Variants in VEPH1 observed in about 807,000 individuals in gnomAD.
VEPH1 encodes the protein ventricular zone expressed PH domain containing 1.
Under a neutral mutation model 85.2 loss-of-function variants are expected in VEPH1, and 80 were observed. The observed-to-expected ratio is 0.94, with a 90% CI of 0.78 to 1.13. The LOEUF (loss-of-function observed/expected upper bound fraction) is 1.13. VEPH1 is among the 50% of genes most tolerant of loss of function. The pLI is 0.00. For synonymous variants in VEPH1, 297 were observed against 348.0 expected (o/e 0.85, Z 1.63); for missense variants, 955 against 980.5 (o/e 0.97, Z 0.35).
intron 6 of VEPH1, among the ~76,000 whole-genome samples, chr3:157,385,159 A>G (rs1382231977): frequency 6.6e-6 from 1 of 151,342 alleles, no homozygotes; most frequent in African/African-American, 2.4e-5. Flanking sequence ...TCAAGGCCAC[A>G]TATGCCCTCC....
rs149234309 is a variant in VEPH1 at position 157,273,807 on chromosome 3, C to A, written c.2129-8145G>T. ...AAGAGCACAAGAGTTCAATAATTCA[C>A]TCTCTACCTGGTTTTAAGATTTGTT... On this transcript the variant is annotated intron_variant, in intron 12 of 13. Transcript: ENST00000362010. Among the ~76,000 whole-genome samples the A allele has an allele frequency of 3.1e-3, 471 of 152,326 alleles. 3 individuals are homozygous for A. Among genetic ancestry groups the A allele is most frequent in the Middle Eastern group, 6.8e-3 (2 of 294 alleles).
intron 12 of VEPH1, among the ~76,000 whole-genome samples, chr3:157,267,480 A>C (rs1458534639): frequency 6.6e-6 from 1 of 151,262 alleles, no homozygotes; most frequent in African/African-American, 2.4e-5. Context: ...TCCATTGTCA[A>C]CTCCAAATTA....
At chr3:157,488,507 C>CTT (rs1197141390) in intron 2 of VEPH1, among the ~76,000 whole-genome samples, 2,113 of 131,764 alleles carry the variant, frequency 0.016, 69 homozygotes, top group African/African-American at 0.058. Flanking sequence ...TTCTTTCTTT[C>CTT]TTTTTTTTTT....
chr3:157,461,405 C>T (rs1208206180), intron 3 of VEPH1, among the ~76,000 whole-genome samples: 2 of 152,140 alleles, frequency 1.3e-5, no homozygotes, highest in Non-Finnish European at 2.9e-5. Context: ...GGAGAAATAG[C>T]CCTGGACTCC....
chr3:157,283,705 T>C (rs1716420418), intron 12 of VEPH1, among the ~76,000 whole-genome samples: 1 of 152,240 alleles, frequency 6.6e-6, no homozygotes, highest in Non-Finnish European at 1.5e-5. Context: ...CTTGATGTCT[T>C]TCCTAATGTC....
intron 11 of VEPH1, among the ~76,000 whole-genome samples, chr3:157,310,067 TACCTGGCTGAATTTACTGC>T (rs1333909122): frequency 6.6e-6 from 1 of 152,198 alleles, no homozygotes; most frequent in Admixed American, 6.5e-5. Context: ...GGCATGACTG[TACCTGGCTGAATTTACTGC>T]ACCTGGCTGA....
intron 6 of VEPH1, among the ~76,000 whole-genome samples, chr3:157,386,699 A>C (rs1225360986): frequency 2.6e-5 from 4 of 152,232 alleles, no homozygotes; most frequent in Non-Finnish European, 5.9e-5. Flanking sequence ...CAAGGCTGAG[A>C]AACACTGACT....
At chr3:157,426,835 T>C (rs1383881981) in intron 5 of VEPH1, among the ~76,000 whole-genome samples, 1 of 142,248 alleles carries the variant, frequency 7.0e-6, no homozygotes, top group Non-Finnish European at 1.5e-5. Context: ...TGAGACAGAG[T>C]CTCACTCTGT....
At chr3:157,384,399 T>A (rs1560017214) in intron 6 of VEPH1, among the ~76,000 whole-genome samples, 1 of 152,236 alleles carries the variant, frequency 6.6e-6, no homozygotes, top group Non-Finnish European at 1.5e-5. Context: ...AAATTTGAGG[T>A]AACTTCCTTA....
chr3:157,390,743 A>G (rs917504331), intron 6 of VEPH1, among the ~76,000 whole-genome samples: 1 of 152,168 alleles, frequency 6.6e-6, no homozygotes, highest in Non-Finnish European at 1.5e-5. Context: ...AAGCTGAAAC[A>G]TGTTTCTGGC....
chr3:157,434,311 T>C (rs1334255199), intron 4 of VEPH1, among the ~76,000 whole-genome samples: 1 of 152,148 alleles, frequency 6.6e-6, no homozygotes, highest in African/African-American at 2.4e-5. Flanking sequence ...ATTTCTTCTC[T>C]CTCTCTCTCC....
chr3:157,279,724 T>A (rs1383004603), intron 12 of VEPH1, among the ~76,000 whole-genome samples: 1 of 152,070 alleles, frequency 6.6e-6, no homozygotes, highest in Non-Finnish European at 1.5e-5. Context: ...TGCTAAAAAG[T>A]ACCAGTATGT....
intron 6 of VEPH1, among the ~76,000 whole-genome samples, chr3:157,398,432 G>C (rs539610095): frequency 1.3e-5 from 2 of 151,692 alleles, no homozygotes; most frequent in Admixed American, 1.3e-4. Flanking sequence ...TCAGGAGATC[G>C]AGACTATCCT....
intron 9 of VEPH1, among the ~76,000 whole-genome samples, chr3:157,332,120 C>T (rs1722565404): frequency 6.6e-6 from 1 of 152,182 alleles, no homozygotes; most frequent in African/African-American, 2.4e-5. Context: ...CAGACCATTC[C>T]ATAATTACAC....
At chr3:157,343,205 C>CA (rs1225551591) in intron 9 of VEPH1, among the ~76,000 whole-genome samples, 1 of 151,902 alleles carries the variant, frequency 6.6e-6, no homozygotes, top group Non-Finnish European at 1.5e-5. Context: ...GATAGAGACA[C>CA]AAAAAACCCT....
chr3:157,430,463 ACT>A (rs1733056011), intron 4 of VEPH1, among the ~76,000 whole-genome samples: 1 of 152,142 alleles, frequency 6.6e-6, no homozygotes, highest in African/African-American at 2.4e-5. Context: ...TTATTCATAT[ACT>A]CTCTGTGATT....
At chr3:157,475,684 G>A (rs1042449485) in intron 2 of VEPH1, among the ~76,000 whole-genome samples, 1 of 152,200 alleles carries the variant, frequency 6.6e-6, no homozygotes, top group Non-Finnish European at 1.5e-5. Flanking sequence ...GCTGACAGAG[G>A]AGGAAAATGT....
chr3:157,429,890 C>A (rs1026987919), intron 4 of VEPH1, among the ~76,000 whole-genome samples: 1 of 152,138 alleles, frequency 6.6e-6, no homozygotes, highest in Admixed American at 6.6e-5. Flanking sequence ...CATGGCATTT[C>A]GGTACAAAAC....
Position 157,261,092 on chromosome 3 carries a change from A to G in VEPH1, c.*42T>C. 6.2e-7 allele frequency: 1 copy of G among 1,605,512 alleles called. No individual in the cohort carries two copies. Among genetic ancestry groups the G allele is most frequent in the Non-Finnish European group, 8.5e-7 (1 of 1,175,358 alleles). On this transcript the variant is annotated 3_prime_UTR_variant, in exon 14 of 14. Transcript: ENST00000362010. ...TTCTTGACATTGGCAATGATAATAC[A>G]ATGCCTGTGGTGTATAATTGTCATG... is the stretch of plus-strand genomic sequence containing the variant.
Sources: allele counts gnomAD v4.1 joint callset (sites outside exome capture counted in the v4.1 genomes callset), GRCh38; gene constraint gnomAD v4.1.1; transcripts MANE v1.5; gene names NCBI Gene and HGNC (gene_info 2026-07-23, HGNC 2026-07-21).